Variants in SAMD5 observed in about 807,000 individuals in gnomAD.
SAMD5 encodes sterile alpha motif domain-containing protein 5.
In SAMD5, 13 loss-of-function variants were observed where a neutral mutation model predicts 11.3. The ratio of observed to expected loss-of-function variants is 1.15; its 90% CI spans 0.75 to 1.83. The LOEUF is 1.83. Among genes scored for constraint, SAMD5 ranks in the 40% most tolerant of loss-of-function variants. The pLI, the probability that SAMD5 is intolerant of heterozygous loss-of-function variation, is 0.00. For synonymous variants in SAMD5, 129 were observed against 111.3 expected, an observed-to-expected ratio of 1.16 and a Z score of -1.00; for missense variants, 255 against 239.1, an observed-to-expected ratio of 1.07 and a Z score of -0.44.
At chr6:147,846,748 A>T in the SAMD5 span, among the ~76,000 whole-genome samples, 1 of 152,180 alleles carries the variant, frequency 6.6e-6, no homozygotes, top group South Asian at 2.1e-4. Flanking sequence ...TAAACCTGGG[A>T]GACAGAGGTT....
chr6:147,706,018 T>C (rs1791320599), intron 1 of SAMD5, among the ~76,000 whole-genome samples: 1 of 152,182 alleles, frequency 6.6e-6, no homozygotes, highest in African/African-American at 2.4e-5. Context: ...TTTTTAACAA[T>C]CCATAATTAT....
chr6:147,754,546 G>T, the SAMD5 span, among the ~76,000 whole-genome samples: 1 of 151,904 alleles, frequency 6.6e-6, no homozygotes, highest in South Asian at 2.1e-4. Flanking sequence ...CCTTTGCTGT[G>T]CAGAAGCTTT....
the SAMD5 span, among the ~76,000 whole-genome samples, chr6:147,766,477 A>G: frequency 2.0e-5 from 3 of 152,220 alleles, no homozygotes; most frequent in Admixed American, 1.3e-4. Context: ...AGAAAAGAGT[A>G]TCAGAATGAC....
chr6:147,783,559 A>G, the SAMD5 span, among the ~76,000 whole-genome samples: 1 of 151,646 alleles, frequency 6.6e-6, no homozygotes, highest in Admixed American at 6.6e-5. Flanking sequence ...ACGCCTGGCT[A>G]ATTTTTTTGT....
chr6:147,568,121 CAA>C lies in SAMD5; in HGVS notation c.*3667_*3668del. On this transcript the variant is annotated 3_prime_UTR_variant, in exon 2 of 2. Coordinates refer to ENST00000367474, the MANE Select transcript of SAMD5 (RefSeq NM_001030060.3). The stretch of plus-strand genomic sequence containing the variant: ...TTCCTCTGATTTTATGACTGATTTA[CAA>C]ATTAGGAGTGCAAATGGGCTGTTCC... 1.0e-6 allele frequency: 1 copy of C among 985,274 alleles called. No individual in the cohort carries two copies. The highest frequency in any genetic ancestry group is 1.2e-6 in the Non-Finnish European group (1 of 829,876). The allele number at this position is 985,274 out of a possible 1,614,324, so 61.0% of individuals were successfully genotyped here. A position where few individuals can be genotyped will look rare whatever the true frequency, so the allele number is the denominator to read the frequency against.
downstream of SAMD5, among the ~76,000 whole-genome samples, chr6:147,573,480 C>T (rs1789168465): frequency 6.6e-6 from 1 of 152,132 alleles, no homozygotes; most frequent in South Asian, 2.1e-4. Context: ...ATCCAGCCAC[C>T]TCCCATGAGG....
the SAMD5 span, among the ~76,000 whole-genome samples, chr6:147,843,599 C>T: frequency 2.0e-5 from 3 of 152,068 alleles, no homozygotes; most frequent in African/African-American, 4.8e-5. Context: ...AAACATATTA[C>T]AAAGCTATGG....
chr6:147,697,381 G>A (rs955748979), intron 1 of SAMD5, among the ~76,000 whole-genome samples: 8 of 152,120 alleles, frequency 5.3e-5, no homozygotes, highest in Admixed American at 4.6e-4. Context: ...ATGGACTTTC[G>A]TTTATTTAAT....
downstream of SAMD5, among the ~76,000 whole-genome samples, chr6:147,572,030 T>G (rs2128445419): frequency 6.6e-6 from 1 of 152,032 alleles, no homozygotes; most frequent in South Asian, 2.1e-4. Context: ...GTACATCTGG[T>G]TTGTCCCACT....
the SAMD5 span, among the ~76,000 whole-genome samples, chr6:147,796,749 G>A: frequency 2.6e-5 from 4 of 152,014 alleles, no homozygotes; most frequent in East Asian, 7.7e-4. Flanking sequence ...TCCTTGAGCA[G>A]TGGTTTGTAG....
intron 1 of SAMD5, among the ~76,000 whole-genome samples, chr6:147,579,465 T>G (rs1463860514): frequency 7.3e-6 from 1 of 137,860 alleles, no homozygotes; most frequent in East Asian, 2.1e-4. Context: ...TTTTTTTTTT[T>G]TTTTTTTTTT....
the SAMD5 span, among the ~76,000 whole-genome samples, chr6:147,798,555 G>A: frequency 1.3e-5 from 2 of 151,858 alleles, no homozygotes; most frequent in African/African-American, 4.9e-5. Context: ...TTGATTTGGG[G>A]TGGAGAGTTC....
rs756754841 is a variant in SAMD5, at chr6:147,659,518, T to C, written c.163-77799T>C. 3.9e-4 allele frequency among the ~76,000 whole-genome samples: 60 copies of C among 152,186 alleles called. 1 individual carries two copies. The highest frequency in any genetic ancestry group is 7.5e-4 in the Non-Finnish European group (51 of 68,034). ...CTCAACTTCTGGCTGATAAATGGGA[T>C]GGTTTGGATGATGGAGAGGTTTTCA... On this transcript the variant is annotated intron_variant, in intron 1 of 1. Transcript: ENST00000566741.
the SAMD5 span, among the ~76,000 whole-genome samples, chr6:147,800,745 CTAA>C: frequency 0.12 from 17,932 of 152,042 alleles, 1,318 homozygotes; most frequent in East Asian, 0.35. Flanking sequence ...AAAAATAGCA[CTAA>C]TAATAATAGT....
At chr6:147,817,043 T>C in the SAMD5 span, among the ~76,000 whole-genome samples, 1 of 152,200 alleles carries the variant, frequency 6.6e-6, no homozygotes, top group South Asian at 2.1e-4. Context: ...CCCCGCCTGG[T>C]TCATCACGAG....
intron 1 of SAMD5, among the ~76,000 whole-genome samples, chr6:147,707,832 G>T (rs367764247): frequency 1.3e-5 from 2 of 152,096 alleles, no homozygotes; most frequent in Non-Finnish European, 2.9e-5. Context: ...TTTCTGGATT[G>T]CTTCATCAGT....
intron 1 of SAMD5, among the ~76,000 whole-genome samples, chr6:147,720,793 AC>A (rs1791539980): frequency 1.3e-5 from 2 of 149,758 alleles, no homozygotes; most frequent in South Asian, 4.3e-4. Flanking sequence ...GGTGCGCTGC[AC>A]CCACTAACTC....
chr6:147,812,684 G>A, the SAMD5 span, among the ~76,000 whole-genome samples: 2 of 152,146 alleles, frequency 1.3e-5, no homozygotes, highest in African/African-American at 4.8e-5. Context: ...ATGGGTTTAA[G>A]AGAGACAGCA....
intron 1 of SAMD5, among the ~76,000 whole-genome samples, chr6:147,602,498 C>T (rs1789633133): frequency 6.6e-6 from 1 of 152,176 alleles, no homozygotes; most frequent in Admixed American, 6.5e-5. Context: ...AATCCCAGCA[C>T]TTTGGGAGGC....
Sources: allele counts gnomAD v4.1 joint callset (sites outside exome capture counted in the v4.1 genomes callset), GRCh38; gene constraint gnomAD v4.1.1; transcripts MANE v1.5; gene names NCBI Gene and HGNC (gene_info 2026-07-23, HGNC 2026-07-21).